The following LRRTM4 variants were observed in gnomAD, a reference collection of about 807,000 sequenced individuals.
The protein encoded by LRRTM4 is leucine rich repeat transmembrane neuronal 4, also known as leucine-rich repeat transmembrane neuronal protein 4.
LRRTM4 carries 25 observed loss-of-function variants against 47.6 expected under a neutral mutation model. The observed-to-expected ratio is 0.53, with a 90% CI of 0.38 to 0.73. The LOEUF (loss-of-function observed/expected upper bound fraction) is 0.73, where lower values mean the gene tolerates loss of function less well. Ranked by LOEUF, LRRTM4 falls within the 30% of genes least tolerant of loss-of-function variation. LRRTM4 has a pLI of 0.00. For synonymous variants in LRRTM4, 311 were observed against 269.5 expected, an observed-to-expected ratio of 1.15 and a Z score of -1.51; for missense variants, 638 against 713.4, an observed-to-expected ratio of 0.89 and a Z score of 1.20.
intron 3 of LRRTM4, among the ~76,000 whole-genome samples, chr2:77,476,992 GTGTGTA>G (rs1677424311): frequency 1.0e-5 from 1 of 95,554 alleles, no homozygotes; most frequent in African/African-American, 3.2e-5. Context: ...GTGTGTGTGT[GTGTGTA>G]TGTGTGTACT....
At position 77,166,589 on chromosome 2, in the gene LRRTM4, C is replaced by T. The variant is rs560886460; in HGVS notation, c.1551+351729G>A. ...GGCTACAGTAACCAAAACAGCATGG[C>T]ACTGGTACCAAAACAGAGATATAGA... is the stretch of plus-strand genomic sequence containing the variant. On this transcript the variant is annotated intron_variant, in intron 3 of 3. Transcript: ENST00000409884. Among the ~76,000 whole-genome samples the T allele has an allele frequency of 1.4e-3, 206 of 152,054 alleles. 1 individual carries two copies. The highest frequency in any genetic ancestry group is 4.5e-3 in the African/African-American group (188 of 41,510).
intron 3 of LRRTM4, among the ~76,000 whole-genome samples, chr2:77,173,969 A>T (rs1452202438): frequency 6.6e-6 from 1 of 152,216 alleles, no homozygotes; most frequent in Non-Finnish European, 1.5e-5. Context: ...TTACCTACTT[A>T]GAAGACATAT....
At chr2:77,016,617 G>A (rs1678080980) in intron 3 of LRRTM4, among the ~76,000 whole-genome samples, 1 of 152,032 alleles carries the variant, frequency 6.6e-6, no homozygotes, top group Non-Finnish European at 1.5e-5. Flanking sequence ...TCTCACGCTA[G>A]GTACCTATTT....
At position 77,381,376 on chromosome 2, in the gene LRRTM4, A is replaced by T. The variant is rs531615798; in HGVS notation, c.1551+136942T>A. On this transcript the variant is annotated intron_variant, in intron 3 of 3. Coordinates refer to ENST00000409884, the MANE Select transcript of LRRTM4 (RefSeq NM_001134745.3). ...AAACTTTAAATCTCTTGTATAGATG[A>T]TATCATTAACCAAGCCAAATGACAA... is the stretch of plus-strand genomic sequence containing the variant. 1.8e-4 allele frequency among the ~76,000 whole-genome samples: 28 copies of T among 152,208 alleles called. 1 individual carries two copies. The highest frequency in any genetic ancestry group is 6.7e-4 in the African/African-American group (28 of 41,576).
At chr2:77,183,158 T>A (rs1015587893) in intron 3 of LRRTM4, among the ~76,000 whole-genome samples, 10 of 152,056 alleles carry the variant, frequency 6.6e-5, no homozygotes, top group African/African-American at 2.4e-4. Flanking sequence ...ACCTACAGAA[T>A]GGGAGAAAAT....
At chr2:77,300,488 G>A (rs570060913) in intron 3 of LRRTM4, among the ~76,000 whole-genome samples, 29 of 152,108 alleles carry the variant, frequency 1.9e-4, no homozygotes, top group Non-Finnish European at 3.4e-4. Context: ...CTTTGTATGC[G>A]GCTCAATTCT....
At chr2:77,145,596 G>A (rs1672235890) in intron 3 of LRRTM4, among the ~76,000 whole-genome samples, 2 of 150,264 alleles carry the variant, frequency 1.3e-5, no homozygotes, top group Admixed American at 1.3e-4. Flanking sequence ...GTGAAACCCT[G>A]TCTCTACTAA....
intron 3 of LRRTM4, among the ~76,000 whole-genome samples, chr2:77,069,757 G>C (rs991301475): frequency 1.3e-5 from 2 of 152,122 alleles, no homozygotes; most frequent in African/African-American, 4.8e-5. Context: ...CTCTGTATAT[G>C]TGGGTGGCTT....
chr2:77,031,563 G>C (rs1485848477), intron 3 of LRRTM4, among the ~76,000 whole-genome samples: 1 of 152,022 alleles, frequency 6.6e-6, no homozygotes, highest in Non-Finnish European at 1.5e-5. Context: ...CGGGGAGTGA[G>C]ATATATTAGA....
chr2:76,986,940 T>C (rs1251880499), intron 3 of LRRTM4, among the ~76,000 whole-genome samples: 1 of 151,932 alleles, frequency 6.6e-6, no homozygotes, highest in Non-Finnish European at 1.5e-5. Flanking sequence ...TTCAAATAAC[T>C]AGGTAGCATA....
chr2:76,866,597 T>C (rs572816593), intron 3 of LRRTM4, among the ~76,000 whole-genome samples: 1 of 152,324 alleles, frequency 6.6e-6, no homozygotes, highest in East Asian at 1.9e-4. Context: ...TTGATTGATG[T>C]GTGATGTTGT....
At chr2:76,984,834 ACACT>A (rs1039643516) in intron 3 of LRRTM4, among the ~76,000 whole-genome samples, 1 of 152,038 alleles carries the variant, frequency 6.6e-6, no homozygotes, top group Non-Finnish European at 1.5e-5. Context: ...ATTGCTGCTC[ACACT>A]CAAGTTAACA....
intron 3 of LRRTM4, among the ~76,000 whole-genome samples, chr2:77,463,882 C>T (rs1043969406): frequency 1.2e-4 from 19 of 152,174 alleles, no homozygotes; most frequent in East Asian, 9.7e-4. Context: ...ATATTACCAG[C>T]GCACCATTAT....
intron 3 of LRRTM4, among the ~76,000 whole-genome samples, chr2:76,859,180 G>A (rs547861534): frequency 3.2e-4 from 49 of 152,244 alleles, no homozygotes; most frequent in African/African-American, 1.1e-3. Flanking sequence ...AACTTAGGAG[G>A]GGGTGAAGGA....
chr2:77,084,765 TAC>T (rs1483100403), intron 3 of LRRTM4, among the ~76,000 whole-genome samples: 1 of 152,194 alleles, frequency 6.6e-6, no homozygotes. Context: ...AGAAACCATT[TAC>T]AGACTGTACA....
At chr2:77,310,485 G>A (rs1018932378) in intron 3 of LRRTM4, among the ~76,000 whole-genome samples, 1 of 152,096 alleles carries the variant, frequency 6.6e-6, no homozygotes, top group Non-Finnish European at 1.5e-5. Flanking sequence ...CCAGCCTCAC[G>A]GACTATGTGG....
At chr2:76,783,367 CT>C (rs920189683) in intron 3 of LRRTM4, among the ~76,000 whole-genome samples, 3 of 152,030 alleles carry the variant, frequency 2.0e-5, no homozygotes, top group African/African-American at 7.2e-5. Context: ...TTTTTAAAAA[CT>C]TTTTTTAATG....
At chr2:76,789,581 T>C (rs1296231699) in intron 3 of LRRTM4, among the ~76,000 whole-genome samples, 1 of 152,190 alleles carries the variant, frequency 6.6e-6, no homozygotes, top group African/African-American at 2.4e-5. Context: ...ATAGGTTGTA[T>C]TTGTTTGTTT....
intron 3 of LRRTM4, among the ~76,000 whole-genome samples, chr2:77,224,323 C>G (rs1383545031): frequency 6.6e-6 from 1 of 152,090 alleles, no homozygotes; most frequent in Non-Finnish European, 1.5e-5. Flanking sequence ...GTCTAAAACA[C>G]CAGAAGCAAT....
Sources: gnomAD v4.1 joint callset for allele counts (sites outside exome capture counted in the v4.1 genomes callset) on GRCh38, gnomAD v4.1.1 for gene constraint, MANE v1.5 for transcripts, NCBI Gene and HGNC (gene_info 2026-07-23, HGNC 2026-07-21) for gene names.